The following TERB2 variants were observed in gnomAD, a reference collection of about 807,000 sequenced individuals.
TERB2 encodes the protein telomere repeats-binding bouquet formation protein 2.
Under a neutral mutation model 29.8 loss-of-function variants are expected in TERB2, and 26 were observed. The ratio of observed to expected loss-of-function variants is 0.87; its 90% CI spans 0.64 to 1.21. The LOEUF (loss-of-function observed/expected upper bound fraction) is 1.21. Among genes scored for constraint, TERB2 ranks in the 50% most tolerant of loss-of-function variants. TERB2 has a pLI of 0.00. For synonymous variants in TERB2, 80 were observed against 90.8 expected, an observed-to-expected ratio of 0.88 and a Z score of 0.68; for missense variants, 240 against 268.6, an observed-to-expected ratio of 0.89 and a Z score of 0.74.
intron 5 of TERB2, among the ~76,000 whole-genome samples, chr15:44,968,410 G>A (rs1891919892): frequency 1.3e-5 from 2 of 151,558 alleles, no homozygotes; most frequent in African/African-American, 2.4e-5. Context: ...TAGTAGAGAC[G>A]GGGTTTGGCC....
At chr15:44,970,769 G>C (rs1726438666) in intron 5 of TERB2, 1 of 160,504 alleles carries the variant, frequency 6.2e-6, no homozygotes, top group South Asian at 1.7e-4. Context: ...TTCCACCTCT[G>C]TCCTTAGCTA....
Position 44,978,525 on chromosome 15 carries a change from G to A in TERB2, c.560G>A (p.Gly187Glu). 3 of 1,605,032 alleles carry A rather than the reference G, an allele frequency of 1.9e-6. No homozygotes were observed. The highest frequency in any genetic ancestry group is 2.2e-5 in the South Asian group (2 of 89,022). The change falls in exon 7 of 7, where the codon GGG becomes GAG. Residue 187 changes from glycine to glutamate, a missense_variant. Gly to Glu is a moderately conservative substitution (Grantham distance 98). Coordinates refer to ENST00000340827, the MANE Select transcript of TERB2 (RefSeq NM_152448.3). ...ATTGATGCCATGAAGAAATTCCTTG[G>A]GGAGCTACATGACTTCATTCCTGGA... ...ISIDAMKKFL[G>E]ELHDFIPGTS...
intron 5 of TERB2, 109 bp downstream of exon 5, chr15:44,966,352 AT>A: frequency 4.0e-6 from 2 of 500,510 alleles, no homozygotes; most frequent in Non-Finnish European, 6.5e-6. Context: ...GATAGATAGC[AT>A]TATAATCATT....
intron 5 of TERB2, among the ~76,000 whole-genome samples, 160 bp downstream of exon 5, chr15:44,966,403 A>T (rs1390445261): frequency 6.6e-6 from 1 of 152,212 alleles, no homozygotes; most frequent in African/African-American, 2.4e-5. Context: ...TTAGAAAGAT[A>T]AGCAATTTCC....
intron 5 of TERB2, chr15:44,969,939 T>A (rs1377265604): frequency 6.6e-6 from 1 of 151,868 alleles, no homozygotes; most frequent in Non-Finnish European, 1.5e-5. Context: ...AAAATTTTAA[T>A]CAAAATCTAC....
At chr15:44,973,809 T>C in intron 5 of TERB2, 58 bp from the exon 6 acceptor site, 3 of 1,166,260 alleles carry the variant, frequency 2.6e-6, no homozygotes, top group South Asian at 5.8e-5. Flanking sequence ...ATAAATGTAA[T>C]ACATATAGAC....
chr15:44,965,587 T>TTATA (rs542477945), intron 4 of TERB2, among the ~76,000 whole-genome samples: 2,343 of 144,624 alleles, frequency 0.016, 18 homozygotes, highest in Admixed American at 0.026. Context: ...AATCTATATA[T>TTATA]CATATAGATT....
chr15:44,956,740 T>A lies in TERB2; in HGVS notation c.22T>A (p.Trp8Arg), dbSNP rs1287250231. MFQGQRG[W>R]FCGSVSQDLR... The stretch of plus-strand genomic sequence containing the variant: ...CGCCATGTTTCAAGGGCAGCGCGGT[T>A]GGTTTTGCGGCAGCGTTAGCCAGGA... The change falls in exon 1 of 7, where the codon TGG becomes AGG. Residue 8 changes from tryptophan (W) to arginine (R), a missense_variant. Physicochemically the swap from Trp to Arg is moderately radical, Grantham distance 101 (BLOSUM62 -3). Coordinates refer to ENST00000340827, the MANE Select transcript of TERB2 (RefSeq NM_152448.3). 6.2e-7 allele frequency: 1 copy of A among 1,612,188 alleles called. No individual in the cohort carries two copies. The highest frequency in any genetic ancestry group is 8.5e-7 in the Non-Finnish European group (1 of 1,179,292).
At chr15:44,972,519 T>A (rs1315939715) in intron 5 of TERB2, among the ~76,000 whole-genome samples, 4 of 76,764 alleles carry the variant, frequency 5.2e-5, no homozygotes, top group African/African-American at 3.9e-4. Flanking sequence ...CCTTTTAGCT[T>A]TTTTTTTTTT....
rs780466291 is a variant in TERB2, at chr15:44,956,709, T to C, written c.-10T>C. 1.2e-6 allele frequency: 2 copies of C among 1,600,124 alleles called. No individual in the cohort carries two copies. The highest frequency in any genetic ancestry group is 2.2e-5 in the South Asian group (2 of 89,626). On this transcript the variant is annotated 5_prime_UTR_variant, in exon 1 of 7. Transcript: ENST00000340827. ...CTCCTCTCTCACATCTCCACAGGCTTGGCGACGCCATGTTTCAAGGGCAGC... is the reference window on the plus strand; with the variant it reads ...CTCCTCTCTCACATCTCCACAGGCTCGGCGACGCCATGTTTCAAGGGCAGC...
intron 4 of TERB2, among the ~76,000 whole-genome samples, chr15:44,964,898 G>A (rs1218081454): frequency 1.3e-5 from 2 of 151,766 alleles, no homozygotes; most frequent in South Asian, 2.1e-4. Flanking sequence ...GCAGTGGGTC[G>A]CGCCTGTAAT....
chr15:44,973,290 T>C (rs1297358713), intron 5 of TERB2, among the ~76,000 whole-genome samples: 1 of 152,240 alleles, frequency 6.6e-6, no homozygotes, highest in Non-Finnish European at 1.5e-5. Context: ...TAGAATCTAC[T>C]ATGCTTTTCT....
At position 44,956,972 on chromosome 15, in the gene TERB2, G is replaced by T. The variant is rs764407847; in HGVS notation, c.141G>T (p.Thr47=). The T allele has an allele frequency of 1.2e-6, 2 of 1,613,302 alleles. No individual in the cohort carries two copies. The highest frequency in any genetic ancestry group is 1.1e-5 in the South Asian group (1 of 91,076). ...GCTGTGATGCCTCGCACCCAGACACGCTGAGGTACTGAGGGCGACCTGGCA... is the reference window on the plus strand; with the variant it reads ...GCTGTGATGCCTCGCACCCAGACACTCTGAGGTACTGAGGGCGACCTGGCA... The part of the protein sequence containing the change: ...LFSCDASHPD[T]LRIYQSLDYI... Residue 47 remains threonine, a synonymous_variant, in exon 2 of 7, where the codon ACG becomes ACT. Coordinates refer to ENST00000340827, the MANE Select transcript of TERB2 (RefSeq NM_152448.3).
intron 4 of TERB2, among the ~76,000 whole-genome samples, chr15:44,965,443 AATAT>A (rs959366149): frequency 7.0e-6 from 1 of 143,666 alleles, no homozygotes; most frequent in Non-Finnish European, 1.5e-5. Flanking sequence ...TAAATATATA[AATAT>A]ATATTTATAA....
chr15:44,973,289 C>G (rs561667870), intron 5 of TERB2, among the ~76,000 whole-genome samples: 2 of 152,144 alleles, frequency 1.3e-5, no homozygotes, highest in African/African-American at 2.4e-5. Context: ...ATAGAATCTA[C>G]TATGCTTTTC....
At position 44,978,710 on chromosome 15, in the gene TERB2, G is replaced by A; in HGVS notation, c.*82G>A. On this transcript the variant is annotated 3_prime_UTR_variant, in exon 7 of 7. Coordinates refer to ENST00000340827, the MANE Select transcript of TERB2 (RefSeq NM_152448.3). The stretch of plus-strand genomic sequence containing the variant: ...GCATATCATAAAATGCTCCCTTTTG[G>A]TACTGGGGGATAGTGAAATGGGAAA... 1.5e-6 allele frequency: 2 copies of A among 1,353,848 alleles called. No homozygotes were observed. The highest frequency in any genetic ancestry group is 1.9e-6 in the Non-Finnish European group (2 of 1,039,378). 83.9% of individuals were successfully genotyped at this position (1,353,848 alleles called of 1,614,324 possible). A position where few individuals can be genotyped will look rare whatever the true frequency, so the allele number is the denominator to read the frequency against.
At chr15:44,973,152 T>C (rs953522218) in intron 5 of TERB2, among the ~76,000 whole-genome samples, 1 of 152,120 alleles carries the variant, frequency 6.6e-6, no homozygotes, top group Non-Finnish European at 1.5e-5. Context: ...AAGTGCCAGA[T>C]TTACAGGTGT....
intron 5 of TERB2, chr15:44,970,791 C>T (rs959826895): frequency 3.2e-5 from 5 of 157,766 alleles, no homozygotes; most frequent in African/African-American, 1.2e-4. Context: ...AGTTCTACTT[C>T]TTTAGATTGC....
intron 5 of TERB2, 77 bp downstream of exon 5, chr15:44,966,320 T>A: frequency 1.2e-6 from 1 of 831,856 alleles, no homozygotes; most frequent in Admixed American, 4.1e-5. Context: ...CTTATCTCAT[T>A]TAATTTTCAG....
Sources: allele counts gnomAD v4.1 joint callset (sites outside exome capture counted in the v4.1 genomes callset), GRCh38; gene constraint gnomAD v4.1.1; transcripts MANE v1.5; gene names NCBI Gene and HGNC (gene_info 2026-07-23, HGNC 2026-07-21).